MGAT4C: variants seen among roughly 807,000 people sequenced by gnomAD.
The protein encoded by MGAT4C is MGAT4 family member C.
A neutral mutation model predicts 40.1 loss-of-function variants in MGAT4C; 19 were observed. That is an observed-to-expected ratio of 0.47 (90% CI 0.33 to 0.70). The LOEUF (loss-of-function observed/expected upper bound fraction) is 0.70, where lower values mean the gene tolerates loss of function less well. Ranked by LOEUF, MGAT4C falls within the 30% of genes least tolerant of loss-of-function variation. The pLI, the probability that MGAT4C is intolerant of heterozygous loss-of-function variation, is 0.02. For synonymous variants in MGAT4C, 181 were observed against 187.1 expected (o/e 0.97, Z 0.27); for missense variants, 491 against 563.2 (o/e 0.87, Z 1.30).
chr12:86,461,688 A>T (rs1352332414), intron 2 of MGAT4C, among the ~76,000 whole-genome samples: 1 of 152,188 alleles, frequency 6.6e-6, no homozygotes, highest in Non-Finnish European at 1.5e-5. Context: ...TCTAATAGAG[A>T]CAAAAATGTT....
At chr12:86,348,764 T>A (rs1201519697) in intron 3 of MGAT4C, among the ~76,000 whole-genome samples, 1 of 152,164 alleles carries the variant, frequency 6.6e-6, no homozygotes, top group Non-Finnish European at 1.5e-5. Context: ...ACTCAATCAT[T>A]CGTGATGTTT....
chr12:86,702,384 A>G (rs1950378613), intron 2 of MGAT4C, among the ~76,000 whole-genome samples: 1 of 152,114 alleles, frequency 6.6e-6, no homozygotes, highest in Non-Finnish European at 1.5e-5. Flanking sequence ...ATCTTAAAAG[A>G]AGATGCCATC....
Position 86,178,515 on chromosome 12 carries a change from C to T in MGAT4C, c.-57+77724G>A, listed in dbSNP as rs574781208. On this transcript the variant is annotated intron_variant, in intron 1 of 4. Coordinates refer to ENST00000611864, the MANE Select transcript of MGAT4C (RefSeq NM_001351288.2). Reference sequence around the variant, plus strand: ...TAAAATGGCATTTCTTGCCCTAACACATTTTGTTTATTCATCACATTTTTA... The same window carrying T: ...TAAAATGGCATTTCTTGCCCTAACATATTTTGTTTATTCATCACATTTTTA... Among the ~76,000 whole-genome samples the T allele has an allele frequency of 3.3e-5, 5 of 152,234 alleles. No homozygotes were observed. In the South Asian group the frequency reaches 8.3e-4, roughly 25 times the overall value.
chr12:86,581,485 A>G (rs956727304), intron 2 of MGAT4C, among the ~76,000 whole-genome samples: 5 of 151,392 alleles, frequency 3.3e-5, no homozygotes, highest in African/African-American at 1.2e-4. Context: ...GAGTTAACGA[A>G]CATACAAGAT....
intron 2 of MGAT4C, among the ~76,000 whole-genome samples, chr12:86,450,656 C>A (rs1023265238): frequency 2.6e-5 from 4 of 151,874 alleles, no homozygotes; most frequent in African/African-American, 9.7e-5. Context: ...GCTTAAGATC[C>A]TTGGAATTAA....
At chr12:86,248,164 C>T (rs1224465989) in intron 1 of MGAT4C, among the ~76,000 whole-genome samples, 1 of 151,924 alleles carries the variant, frequency 6.6e-6, no homozygotes, top group African/African-American at 2.4e-5. Context: ...CATAGCATGT[C>T]TAAAGTACAC....
At position 85,974,379 on chromosome 12, in the gene MGAT4C, G is replaced by T. The variant is rs1883801687; in HGVS notation, c.*4910C>A. 1 of 150,308 alleles carries T rather than the reference G, an allele frequency of 6.7e-6. No individual in the cohort carries two copies. The highest frequency in any genetic ancestry group is 1.5e-5 in the Non-Finnish European group (1 of 66,868). 9.3% of individuals were successfully genotyped at this position (150,308 alleles called of 1,614,324 possible). ...GTAAAGGCTAAAAAATAATGCAAAT[G>T]GTGCATATCCTTCTGTCTTTCTCTC... is the stretch of plus-strand genomic sequence containing the variant. On this transcript the variant is annotated 3_prime_UTR_variant, in exon 5 of 5. Coordinates refer to ENST00000611864, the MANE Select transcript of MGAT4C (RefSeq NM_001351288.2).
chr12:86,245,900 G>A (rs1301430913), intron 1 of MGAT4C, among the ~76,000 whole-genome samples: 1 of 152,018 alleles, frequency 6.6e-6, no homozygotes, highest in Non-Finnish European at 1.5e-5. Context: ...AGAGCTACCA[G>A]AATAAATAGC....
At chr12:86,403,560 T>C (rs989438353) in intron 3 of MGAT4C, among the ~76,000 whole-genome samples, 3 of 152,222 alleles carry the variant, frequency 2.0e-5, no homozygotes, top group African/African-American at 4.8e-5. Flanking sequence ...ATGTTTTTTT[T>C]CTGAATTTTT....
intron 4 of MGAT4C, among the ~76,000 whole-genome samples, chr12:86,277,635 C>T (rs779999396): frequency 3.0e-4 from 45 of 152,162 alleles, no homozygotes; most frequent in Non-Finnish European, 4.7e-4. Flanking sequence ...TTCCCCAACA[C>T]CATTTATTTA....
intron 1 of MGAT4C, among the ~76,000 whole-genome samples, chr12:86,051,341 A>G (rs1032282481): frequency 2.0e-5 from 3 of 151,998 alleles, no homozygotes; most frequent in Non-Finnish European, 4.4e-5. Flanking sequence ...ACTGATGAAC[A>G]AAATGGAATT....
chr12:86,673,729 A>C (rs572172948), intron 2 of MGAT4C, among the ~76,000 whole-genome samples: 1 of 152,148 alleles, frequency 6.6e-6, no homozygotes, highest in Non-Finnish European at 1.5e-5. Context: ...CATAAAATAC[A>C]TCTTATTTCA....
At chr12:86,173,294 AT>A (rs1192911111) in intron 1 of MGAT4C, among the ~76,000 whole-genome samples, 9 of 152,110 alleles carry the variant, frequency 5.9e-5, no homozygotes, top group African/African-American at 2.2e-4. Context: ...TTGAACATTT[AT>A]ATATTCTGCA....
At chr12:86,176,381 A>C (rs1887434316) in intron 1 of MGAT4C, among the ~76,000 whole-genome samples, 1 of 152,148 alleles carries the variant, frequency 6.6e-6, no homozygotes, top group African/African-American at 2.4e-5. Flanking sequence ...ACACCTTCCC[A>C]AACTCTTATT....
chr12:86,347,605 T>C (rs1260808252), intron 3 of MGAT4C, among the ~76,000 whole-genome samples: 1 of 152,144 alleles, frequency 6.6e-6, no homozygotes, highest in Admixed American at 6.6e-5. Context: ...CCCAATAAAA[T>C]TATAAGACAT....
chr12:86,831,486 C>T (rs1952926946), intron 1 of MGAT4C, among the ~76,000 whole-genome samples: 1 of 151,914 alleles, frequency 6.6e-6, no homozygotes, highest in African/African-American at 2.4e-5. Flanking sequence ...AATACAAACA[C>T]ACATGACACC....
intron 2 of MGAT4C, among the ~76,000 whole-genome samples, chr12:86,674,835 T>C (rs1295129988): frequency 6.6e-6 from 1 of 152,214 alleles, no homozygotes; most frequent in Non-Finnish European, 1.5e-5. Context: ...CACTTTTATT[T>C]GAACATAAAA....
Position 85,958,351 on chromosome 12 carries a change from C to T in MGAT4C, c.*20938G>A, listed in dbSNP as rs1882929447. ...AAGTACCGGGATTACAGGCATGAGC[C>T]ACCACGCCTGGCCAGTTTTTAAAGT... On this transcript the variant is annotated 3_prime_UTR_variant, in exon 5 of 5. Coordinates refer to ENST00000611864, the MANE Select transcript of MGAT4C (RefSeq NM_001351288.2). The T allele has an allele frequency of 6.6e-6, 1 of 152,092 alleles. No homozygotes were observed. The highest frequency in any genetic ancestry group is 6.6e-5 in the Admixed American group (1 of 15,250). The allele number at this position is 152,092 out of a possible 1,614,324, so 9.4% of individuals were successfully genotyped here. A position where few individuals can be genotyped will look rare whatever the true frequency, so the allele number is the denominator to read the frequency against.
intron 1 of MGAT4C, among the ~76,000 whole-genome samples, chr12:86,063,115 C>T (rs1894156941): frequency 6.6e-6 from 1 of 152,056 alleles, no homozygotes; most frequent in Non-Finnish European, 1.5e-5. Context: ...ATGTTAAGGG[C>T]AGCCAGAGAG....
Sources: gnomAD v4.1 joint callset for allele counts (sites outside exome capture counted in the v4.1 genomes callset) on GRCh38, gnomAD v4.1.1 for gene constraint, MANE v1.5 for transcripts, NCBI Gene and HGNC (gene_info 2026-07-23, HGNC 2026-07-21) for gene names.